HECW1: variants seen among roughly 807,000 people sequenced by gnomAD.
The protein encoded by HECW1 is HECT, C2 and WW domain containing E3 ubiquitin protein ligase 1.
Under a neutral mutation model 182.3 loss-of-function variants are expected in HECW1, and 61 were observed. The observed-to-expected ratio is 0.33, with a 90% confidence interval of 0.27 to 0.41. The LOEUF is 0.41. HECW1 is among the 10% of genes least tolerant of loss of function. The pLI, the probability that HECW1 is intolerant of heterozygous loss-of-function variation, is 1.00. For missense variants in HECW1, 1,739 were observed against 2,108.9 expected (o/e 0.82, Z 3.44); for synonymous variants, 859 against 832.6 (o/e 1.03, Z -0.55).
rs563213890 is a variant in HECW1 at position 43,432,385 on chromosome 7, C to T, written c.802-5618C>T. Among the ~76,000 whole-genome samples, 22 of 152,132 alleles carry T rather than the reference C, an allele frequency of 1.4e-4. No individual in the cohort carries two copies. The Middle Eastern group carries it at 0.01, about 71-fold the overall frequency. ...CGATCTCCTGACCTCGTGATCCGCC[C>T]GCCTCGGCCTCCCAAAGTGCTGGGA... is the stretch of plus-strand genomic sequence containing the variant. On this transcript the variant is annotated intron_variant, in intron 8 of 29. Transcript: ENST00000395891. The surrounding 1 kb of genome is among the most constrained non-coding windows in gnomAD (Gnocchi z 4.1).
chr7:43,161,683 G>A (rs6957566), intron 2 of HECW1: 81,651 of 152,062 alleles, frequency 0.54, 22,484 homozygotes, highest in Non-Finnish European at 0.57. Flanking sequence ...AGGTGATGAC[G>A]GTTTCCATTA....
At chr7:43,289,790 G>A (rs975300258) in intron 3 of HECW1, among the ~76,000 whole-genome samples, 3 of 152,238 alleles carry the variant, frequency 2.0e-5, no homozygotes, top group African/African-American at 7.2e-5. Context: ...TAGGGAGACA[G>A]GAGTTACAGG....
chr7:43,435,013 CCA>C (rs1195535657), intron 8 of HECW1, among the ~76,000 whole-genome samples: 1 of 151,948 alleles, frequency 6.6e-6, no homozygotes, highest in Non-Finnish European at 1.5e-5. Flanking sequence ...GTAATTTTTT[CCA>C]GTCTTTTTCT....
intron 2 of HECW1, among the ~76,000 whole-genome samples, chr7:43,242,679 T>C (rs970342892): frequency 6.6e-6 from 1 of 152,150 alleles, no homozygotes; most frequent in African/African-American, 2.4e-5. Flanking sequence ...GGCAGGGACA[T>C]GGCCCTAGTG....
At chr7:43,272,276 A>C (rs111600910) in intron 3 of HECW1, among the ~76,000 whole-genome samples, 2,742 of 152,212 alleles carry the variant, frequency 0.018, 76 homozygotes, top group African/African-American at 0.063. Context: ...CATCAGCCTT[A>C]GGAAAGAATT....
At chr7:43,122,032 T>G (rs1344093248) in intron 2 of HECW1, 1 of 152,218 alleles carries the variant, frequency 6.6e-6, no homozygotes, top group Non-Finnish European at 1.5e-5. Context: ...AAGTAGAAAG[T>G]TAGAAGAGGT....
At chr7:43,384,831 G>C (rs1254195262) in intron 6 of HECW1, among the ~76,000 whole-genome samples, 3 of 152,246 alleles carry the variant, frequency 2.0e-5, no homozygotes, top group African/African-American at 7.2e-5. Flanking sequence ...TAAGCAGACT[G>C]TCTGACCCAG....
chr7:43,518,509 G>A (rs993385063), intron 24 of HECW1, among the ~76,000 whole-genome samples: 4 of 151,000 alleles, frequency 2.6e-5, no homozygotes, highest in Middle Eastern at 3.4e-3. Context: ...AAAAAAAAAC[G>A]TATTTGAATA....
At position 43,554,605 on chromosome 7, in the gene HECW1, G is replaced by C. The variant is rs572354127; in HGVS notation, c.4524G>C (p.Gly1508=). 4.5e-5 allele frequency: 73 copies of C among 1,612,702 alleles called. 2 individuals are homozygous for C. The South Asian group carries it at 7.6e-4, about 17-fold the overall frequency. The change falls in exon 29 of 30, where the codon GGG becomes GGC. Residue 1508 remains glycine, a synonymous_variant. Coordinates refer to ENST00000395891, the MANE Select transcript of HECW1 (RefSeq NM_015052.5). ...TGCCTCGTGCAGGTTACCACGATGGGCATCTTGTGATCCGCTGGTTCTGGG... is the reference window on the plus strand; with the variant it reads ...TGCCTCGTGCAGGTTACCACGATGGCCATCTTGTGATCCGCTGGTTCTGGG... ...NTEYRGGYHD[G]HLVIRWFWAA... is the part of the protein sequence containing the mutation.
chr7:43,560,116 T>A (rs2082161806), intron 29 of HECW1, among the ~76,000 whole-genome samples: 1 of 152,210 alleles, frequency 6.6e-6, no homozygotes, highest in South Asian at 2.1e-4. Context: ...TTCAGCTAGT[T>A]CCAAAAGCAT....
chr7:43,236,863 A>G (rs1584108126), intron 2 of HECW1, among the ~76,000 whole-genome samples: 6 of 152,234 alleles, frequency 3.9e-5, no homozygotes, highest in Admixed American at 3.9e-4. Context: ...AAATCTTTGT[A>G]GCTGCCTTAT....
At chr7:43,426,517 T>C (rs1014300196) in intron 8 of HECW1, among the ~76,000 whole-genome samples, 2 of 152,334 alleles carry the variant, frequency 1.3e-5, no homozygotes, top group Admixed American at 6.5e-5. Flanking sequence ...AAATACTGTT[T>C]TTGATTTGCA....
At chr7:43,549,687 G>A (rs2081720986) in intron 26 of HECW1, among the ~76,000 whole-genome samples, 1 of 152,186 alleles carries the variant, frequency 6.6e-6, no homozygotes, top group Admixed American at 6.5e-5. Context: ...CATTTGCTGT[G>A]TGTGCCTACA....
intron 11 of HECW1, among the ~76,000 whole-genome samples, chr7:43,450,337 A>G (rs1010286630): frequency 6.6e-6 from 1 of 151,974 alleles, no homozygotes; most frequent in Non-Finnish European, 1.5e-5. Context: ...CTAAGAGTTC[A>G]TTCCCCTCAA....
rs143265493 is a variant in HECW1 at position 43,151,171 on chromosome 7, C to T, written c.-32+36780C>T. 3.1e-3 allele frequency among the ~76,000 whole-genome samples: 476 copies of T among 152,326 alleles called. 1 individual carries two copies. The highest frequency in any genetic ancestry group is 0.011 in the African/African-American group (451 of 41,576). ...GAGTGGAGCCAAGAGGCAGAAAGAT[C>T]TCAGTAATTTGGAAAAAATTCCCAA... On this transcript the variant is annotated intron_variant, in intron 2 of 29. Coordinates refer to ENST00000395891, the MANE Select transcript of HECW1 (RefSeq NM_015052.5).
At chr7:43,559,491 A>G (rs144352444) in intron 29 of HECW1, among the ~76,000 whole-genome samples, 63 of 152,324 alleles carry the variant, frequency 4.1e-4, no homozygotes, top group African/African-American at 1.4e-3. Context: ...CACAGGTTAC[A>G]AAACGCATTT....
Position 43,450,812 on chromosome 7 carries a change from A to T in HECW1, c.2399-16A>T, listed in dbSNP as rs1328223522. On this transcript the variant is annotated splice_polypyrimidine_tract_variant and intron_variant, in intron 11 of 29. Coordinates refer to ENST00000395891, the MANE Select transcript of HECW1 (RefSeq NM_015052.5). ...GCAGTGAATGAATCTGAATGTATTGACTATCTTGTCCGTAGGTGAATGTCC... is the reference window on the plus strand; with the variant it reads ...GCAGTGAATGAATCTGAATGTATTGTCTATCTTGTCCGTAGGTGAATGTCC... 2 of 1,507,332 alleles carry T rather than the reference A, an allele frequency of 1.3e-6. No homozygotes were observed. The highest frequency in any genetic ancestry group is 4.5e-5 in the East Asian group (2 of 44,362). The allele number at this position is 1,507,332 out of a possible 1,614,324, so 93.4% of individuals were successfully genotyped here.
intron 24 of HECW1, chr7:43,511,211 C>G (rs2079850009): frequency 6.6e-6 from 1 of 152,224 alleles, no homozygotes; most frequent in Non-Finnish European, 1.5e-5. Context: ...CCGCACTAAG[C>G]ATGCTGAGTT....
At chr7:43,222,342 A>G (rs551709449) in intron 2 of HECW1, among the ~76,000 whole-genome samples, 11 of 152,092 alleles carry the variant, frequency 7.2e-5, no homozygotes, top group Non-Finnish European at 1.3e-4. Context: ...CCATCTCTGT[A>G]TTTTGCACAT....
Sources: gnomAD v4.1 joint callset for allele counts (sites outside exome capture counted in the v4.1 genomes callset) on GRCh38, gnomAD v4.1.1 for gene constraint, Gnocchi (gnomAD v3.1) non-coding constraint, MANE v1.5 for transcripts, NCBI Gene and HGNC (gene_info 2026-07-23, HGNC 2026-07-21) for gene names.